Variants in TMEM132D observed in about 807,000 individuals in gnomAD.
TMEM132D encodes the protein mature OL transmembrane protein.
TMEM132D carries 21 observed loss-of-function variants against 62.3 expected under a neutral mutation model. That is an observed-to-expected ratio of 0.34 (90% CI 0.24 to 0.49). The LOEUF (loss-of-function observed/expected upper bound fraction) is 0.49. Ranked by LOEUF, TMEM132D falls within the 20% of genes least tolerant of loss-of-function variation. TMEM132D has a pLI of 0.99. For synonymous variants in TMEM132D, 621 were observed against 575.6 expected (o/e 1.08, Z -1.13); for missense variants, 1,346 against 1,402.8 (o/e 0.96, Z 0.65).
At position 129,523,591 on chromosome 12, in the gene TMEM132D, A is replaced by G. The variant is rs1037847654; in HGVS notation, c.1115+7468T>C. Among the ~76,000 whole-genome samples, 6 of 152,294 alleles carry G rather than the reference A, an allele frequency of 3.9e-5. 1 individual carries two copies. The South Asian group carries it at 1.2e-3, about 32-fold the overall frequency. Reference sequence around the variant, plus strand: ...GTAACTCAGTGCCGTTACCCACGAAAAGTGGATGTTCAATAATTTAATTCT... The same window carrying G: ...GTAACTCAGTGCCGTTACCCACGAAGAGTGGATGTTCAATAATTTAATTCT... On this transcript the variant is annotated intron_variant, in intron 3 of 8. Transcript: ENST00000422113.
At chr12:129,763,658 A>G (rs1304645351) in intron 1 of TMEM132D, among the ~76,000 whole-genome samples, 1 of 151,938 alleles carries the variant, frequency 6.6e-6, no homozygotes, top group East Asian at 1.9e-4. Flanking sequence ...GAGACGTTTG[A>G]CTGCCCAGAA....
chr12:129,102,671 T>C (rs985771092), intron 5 of TMEM132D, among the ~76,000 whole-genome samples: 4 of 152,218 alleles, frequency 2.6e-5, no homozygotes, highest in African/African-American at 9.7e-5. Context: ...CTCCTTTTGC[T>C]AAAACTTTCT....
At chr12:129,697,968 G>A (rs978120896) in intron 2 of TMEM132D, among the ~76,000 whole-genome samples, 3 of 152,026 alleles carry the variant, frequency 2.0e-5, no homozygotes, top group Admixed American at 2.0e-4. Context: ...AAGCTTCAGG[G>A]GATTGCAGTG....
intron 8 of TMEM132D, among the ~76,000 whole-genome samples, chr12:129,076,349 A>C (rs1047373318): frequency 3.3e-5 from 5 of 152,206 alleles, no homozygotes; most frequent in Non-Finnish European, 7.3e-5. Flanking sequence ...GGGTTCTGTG[A>C]GATCCCTATA....
intron 2 of TMEM132D, among the ~76,000 whole-genome samples, chr12:129,612,624 T>A (rs1878805642): frequency 2.1e-5 from 3 of 141,838 alleles, no homozygotes; most frequent in African/African-American, 5.5e-5. Flanking sequence ...GAGTTCTTTT[T>A]AAAATATATA....
chr12:129,667,374 T>C (rs1263458722), intron 2 of TMEM132D, among the ~76,000 whole-genome samples: 2 of 152,180 alleles, frequency 1.3e-5, no homozygotes, highest in Non-Finnish European at 2.9e-5. Flanking sequence ...TTTTCTCCTT[T>C]GGTTAAATGG....
chr12:129,626,533 C>T (rs1483293788), intron 2 of TMEM132D, among the ~76,000 whole-genome samples: 1 of 152,048 alleles, frequency 6.6e-6, no homozygotes, highest in Non-Finnish European at 1.5e-5. Flanking sequence ...TCTCAGCTCA[C>T]TGCAACCTCT....
intron 3 of TMEM132D, among the ~76,000 whole-genome samples, chr12:129,507,290 A>C (rs1392424285): frequency 6.6e-6 from 1 of 152,210 alleles, no homozygotes; most frequent in Non-Finnish European, 1.5e-5. Flanking sequence ...AACACTATGC[A>C]AAAAAGTGTG....
chr12:129,286,387 C>T (rs1185669488), intron 4 of TMEM132D, among the ~76,000 whole-genome samples: 1 of 152,146 alleles, frequency 6.6e-6, no homozygotes, highest in Non-Finnish European at 1.5e-5. Context: ...GGACACTGGG[C>T]ATGGGTAGTC....
At chr12:129,554,389 C>A (rs1876992880) in intron 2 of TMEM132D, among the ~76,000 whole-genome samples, 1 of 152,112 alleles carries the variant, frequency 6.6e-6, no homozygotes, top group Non-Finnish European at 1.5e-5. Flanking sequence ...CTAGGATGGA[C>A]AGCCATCTGC....
chr12:129,402,537 C>A (rs1270240087), intron 3 of TMEM132D, among the ~76,000 whole-genome samples: 1 of 152,114 alleles, frequency 6.6e-6, no homozygotes, highest in South Asian at 2.1e-4. Context: ...CATCAGCATG[C>A]CCTAACCCTT....
intron 5 of TMEM132D, among the ~76,000 whole-genome samples, chr12:129,204,856 G>T (rs1878800231): frequency 6.6e-6 from 1 of 152,150 alleles, no homozygotes; most frequent in Non-Finnish European, 1.5e-5. Context: ...TGCCAGAAGA[G>T]ATTGAGGTCC....
chr12:129,224,378 T>C (rs1879425713), intron 4 of TMEM132D, among the ~76,000 whole-genome samples: 1 of 152,140 alleles, frequency 6.6e-6, no homozygotes, highest in Non-Finnish European at 1.5e-5. Context: ...TGATACAAAA[T>C]TTGTTTTAAA....
chr12:129,754,139 AAAGT>A (rs1870089220), intron 1 of TMEM132D, among the ~76,000 whole-genome samples: 1 of 152,206 alleles, frequency 6.6e-6, no homozygotes, highest in Admixed American at 6.5e-5. Context: ...AAGAGCGGGA[AAAGT>A]AGGTGCTGGC....
chr12:129,233,861 G>A (rs1879711951), intron 4 of TMEM132D, among the ~76,000 whole-genome samples: 1 of 139,222 alleles, frequency 7.2e-6, no homozygotes, highest in Admixed American at 7.2e-5. Flanking sequence ...AGGGTCAATG[G>A]ATTCAGTAAA....
At chr12:129,286,902 G>A (rs1881315591) in intron 4 of TMEM132D, among the ~76,000 whole-genome samples, 2 of 152,156 alleles carry the variant, frequency 1.3e-5, no homozygotes, top group African/African-American at 4.8e-5. Context: ...ACAAAAATTA[G>A]TCGGGCGTGG....
intron 2 of TMEM132D, chr12:129,698,122 C>T (rs1014132179): frequency 6.6e-6 from 1 of 152,128 alleles, no homozygotes; most frequent in Non-Finnish European, 1.5e-5. Flanking sequence ...AGCAGCCATC[C>T]TCACAAAGAA....
intron 3 of TMEM132D, among the ~76,000 whole-genome samples, chr12:129,470,045 T>C (rs1874048604): frequency 6.6e-6 from 1 of 152,202 alleles, no homozygotes; most frequent in Non-Finnish European, 1.5e-5. Flanking sequence ...AGTATGTGAA[T>C]CAACCTAGAA....
At chr12:129,662,826 A>AGAC (rs1880277841) in intron 2 of TMEM132D, among the ~76,000 whole-genome samples, 4 of 107,418 alleles carry the variant, frequency 3.7e-5, no homozygotes, top group African/African-American at 1.4e-4. Flanking sequence ...GAGAGAGAGA[A>AGAC]AGAAATATGA....
Sources: allele counts gnomAD v4.1 joint callset (sites outside exome capture counted in the v4.1 genomes callset), GRCh38; gene constraint gnomAD v4.1.1; transcripts MANE v1.5; gene names NCBI Gene and HGNC (gene_info 2026-07-23, HGNC 2026-07-21).